IL1RAPL2: variants seen among roughly 807,000 people sequenced by gnomAD.
IL1RAPL2 encodes X-linked interleukin-1 receptor accessory protein-like 2.
IL1RAPL2 carries 3 observed loss-of-function variants against 44.1 expected under a neutral mutation model. That is an observed-to-expected ratio of 0.07 (90% confidence interval 0.03 to 0.18). The LOEUF (loss-of-function observed/expected upper bound fraction) is 0.18, where lower values mean the gene tolerates loss of function less well. Among genes scored for constraint, IL1RAPL2 ranks in the 10% least tolerant of loss-of-function variants. The pLI is 1.00. For synonymous variants in IL1RAPL2, 181 were observed against 178.8 expected (o/e 1.01, Z -0.10); for missense variants, 391 against 496.4 (o/e 0.79, Z 2.02).
intron 6 of IL1RAPL2, among the ~76,000 whole-genome samples, chrX:105,534,230 G>A (rs1172102381): frequency 9.0e-6 from 1 of 111,629 alleles, no homozygotes; most frequent in Non-Finnish European, 1.9e-5. Flanking sequence ...ATAACCATTA[G>A]TAAGAATTAA....
chrX:104,739,628 C>T (rs1932070095), intron 2 of IL1RAPL2, among the ~76,000 whole-genome samples: 2 of 111,818 alleles, frequency 1.8e-5, no homozygotes, highest in South Asian at 7.4e-4. Flanking sequence ...ATGGAGAGAA[C>T]AGGGTTGAGT....
At chrX:104,582,616 CTT>C (rs747200683) in intron 1 of IL1RAPL2, among the ~76,000 whole-genome samples, 28 of 30,625 alleles carry the variant, frequency 9.1e-4, no homozygotes, top group African/African-American at 3.1e-3. Context: ...TTCTTTCTTT[CTT>C]TCTTTCTTTC....
At chrX:105,541,763 CT>C (rs1412144120) in intron 6 of IL1RAPL2, among the ~76,000 whole-genome samples, 2 of 110,742 alleles carry the variant, frequency 1.8e-5, no homozygotes, top group Non-Finnish European at 3.8e-5. Context: ...TTCTCTCAAC[CT>C]TTTTCTACAC....
chrX:105,328,572 T>A (rs2147692451), intron 5 of IL1RAPL2, among the ~76,000 whole-genome samples: 1 of 111,678 alleles, frequency 9.0e-6, no homozygotes, highest in African/African-American at 3.2e-5. Context: ...TCTATCTGCT[T>A]GCTTCATTTT....
At chrX:105,048,825 A>G (rs954216498) in intron 2 of IL1RAPL2, among the ~76,000 whole-genome samples, 9 of 111,811 alleles carry the variant, frequency 8.0e-5, no homozygotes, top group Admixed American at 3.8e-4. Flanking sequence ...TAAAAATCCA[A>G]TCCCTCAGTT....
chrX:105,388,596 G>T (rs1440149144), intron 5 of IL1RAPL2, among the ~76,000 whole-genome samples: 1 of 110,529 alleles, frequency 9.0e-6, no homozygotes, highest in Non-Finnish European at 1.9e-5. Context: ...AATAACCACA[G>T]TCTGTGAAGA....
chrX:105,402,672 A>T (rs1169654424), intron 5 of IL1RAPL2, among the ~76,000 whole-genome samples: 1 of 111,576 alleles, frequency 9.0e-6, no homozygotes, highest in Non-Finnish European at 1.9e-5. Flanking sequence ...CCAGTTCTGA[A>T]CATATGTCTC....
At chrX:105,713,268 A>G (rs1335468223) in intron 6 of IL1RAPL2, among the ~76,000 whole-genome samples, 1 of 111,358 alleles carries the variant, frequency 9.0e-6, no homozygotes, top group Non-Finnish European at 1.9e-5. Flanking sequence ...TCCCTTCCAC[A>G]CTGCTCTAAC....
At chrX:105,716,467 C>A in intron 6 of IL1RAPL2, among the ~76,000 whole-genome samples, 1 of 111,646 alleles carries the variant, frequency 9.0e-6, no homozygotes, top group African/African-American at 3.3e-5. Flanking sequence ...CCCCATTTTA[C>A]ACAGTGCCTT....
At position 104,896,069 on chromosome X, in the gene IL1RAPL2, G is replaced by C. The variant is rs753148990; in HGVS notation, c.82+237074G>C. On this transcript the variant is annotated intron_variant, in intron 2 of 10. Transcript: ENST00000372582. Reference sequence around the variant, plus strand: ...TACTGACCAGTCAGGGATGGTACGAGATGCCACCCGATGTTTACAGGAAAA... The same window carrying C: ...TACTGACCAGTCAGGGATGGTACGACATGCCACCCGATGTTTACAGGAAAA... 3.6e-5 allele frequency among the ~76,000 whole-genome samples: 4 copies of C among 111,564 alleles called. No homozygotes were observed. In the South Asian group the frequency reaches 1.5e-3, roughly 43 times the overall value.
intron 2 of IL1RAPL2, among the ~76,000 whole-genome samples, chrX:105,028,992 C>G (rs2031426797): frequency 9.2e-6 from 1 of 109,281 alleles, no homozygotes; most frequent in Admixed American, 9.8e-5. Flanking sequence ...GTCAGTTGTG[C>G]CGTCTTTAAA....
At chrX:105,137,671 T>A (rs1479353814) in intron 2 of IL1RAPL2, among the ~76,000 whole-genome samples, 1 of 112,339 alleles carries the variant, frequency 8.9e-6, no homozygotes, top group African/African-American at 3.2e-5. Context: ...GTTGATTTGG[T>A]CTGATGTTTT....
intron 3 of IL1RAPL2, among the ~76,000 whole-genome samples, chrX:105,206,102 G>C (rs2033761619): frequency 9.0e-6 from 1 of 111,099 alleles, no homozygotes; most frequent in South Asian, 3.8e-4. Flanking sequence ...GTGAATCATG[G>C]TGCTATTAAC....
At chrX:105,245,556 T>A (rs940480585) in intron 4 of IL1RAPL2, among the ~76,000 whole-genome samples, 2 of 112,719 alleles carry the variant, frequency 1.8e-5, no homozygotes, top group Non-Finnish European at 3.7e-5. Flanking sequence ...TCTGACACTA[T>A]ATAAATAGGA....
At chrX:105,205,405 G>A (rs1556150784) in intron 3 of IL1RAPL2, among the ~76,000 whole-genome samples, 2 of 105,939 alleles carry the variant, frequency 1.9e-5, no homozygotes, top group African/African-American at 3.4e-5. Context: ...CCTGGCCAAC[G>A]TGGTGTAACC....
intron 2 of IL1RAPL2, among the ~76,000 whole-genome samples, chrX:104,876,206 C>A (rs1191890225): frequency 9.0e-6 from 1 of 111,516 alleles, no homozygotes; most frequent in African/African-American, 3.3e-5. Context: ...CATGTCAGAT[C>A]CCCCATAACT....
At chrX:105,450,692 G>A (rs2089385522) in intron 5 of IL1RAPL2, among the ~76,000 whole-genome samples, 1 of 111,466 alleles carries the variant, frequency 9.0e-6, no homozygotes, top group South Asian at 3.7e-4. Flanking sequence ...GTTGATGTTT[G>A]CAAGAAAATC....
At chrX:105,293,116 CAAA>C (rs10566162) in intron 5 of IL1RAPL2, among the ~76,000 whole-genome samples, 4 of 50,841 alleles carry the variant, frequency 7.9e-5, no homozygotes, top group Non-Finnish European at 8.3e-5. Flanking sequence ...CGACTCTGTC[CAAA>C]AAAAAAAAAA....
intron 2 of IL1RAPL2, among the ~76,000 whole-genome samples, chrX:104,753,740 A>G (rs1347251199): frequency 9.0e-6 from 1 of 111,535 alleles, no homozygotes; most frequent in East Asian, 2.8e-4. Context: ...CTAATGTGTG[A>G]ATCAGGTTAT....
Sources: gnomAD v4.1 joint callset for allele counts (sites outside exome capture counted in the v4.1 genomes callset) on GRCh38, gnomAD v4.1.1 for gene constraint, MANE v1.5 for transcripts, NCBI Gene and HGNC (gene_info 2026-07-23, HGNC 2026-07-21) for gene names.